SNTG2: variants seen among roughly 807,000 people sequenced by gnomAD.
SNTG2 encodes syntrophin gamma 2, also known as gamma-2-syntrophin.
In SNTG2, 74 loss-of-function variants were observed where a neutral mutation model predicts 70.9. The observed-to-expected ratio is 1.04, with a 90% CI of 0.86 to 1.27. The LOEUF is 1.27. Ranked by LOEUF, SNTG2 falls within the 50% of genes most tolerant of loss-of-function variation. SNTG2 has a pLI of 0.00. For missense variants in SNTG2, 717 were observed against 690.7 expected (o/e 1.04, Z -0.43); for synonymous variants, 278 against 273.8 (o/e 1.02, Z -0.15).
chr2:1,072,173 A>G (rs981697082), intron 1 of SNTG2, among the ~76,000 whole-genome samples: 4 of 152,140 alleles, frequency 2.6e-5, no homozygotes, highest in Non-Finnish European at 4.4e-5. Context: ...ACAGCCTTCT[A>G]TTGGAAGAAG....
chr2:1,082,009 A>T (rs1367878193), intron 1 of SNTG2, among the ~76,000 whole-genome samples: 1 of 152,138 alleles, frequency 6.6e-6, no homozygotes, highest in African/African-American at 2.4e-5. Context: ...GTGTTGAGTG[A>T]TTGAAAGCCA....
intron 6 of SNTG2, among the ~76,000 whole-genome samples, chr2:1,140,607 G>C (rs1259029145): frequency 6.6e-6 from 1 of 152,374 alleles, no homozygotes; most frequent in African/African-American, 2.4e-5. Context: ...CAGGCAGGGC[G>C]CAGAACAACA....
intron 16 of SNTG2, among the ~76,000 whole-genome samples, chr2:1,323,393 GACAT>G (rs1681614621): frequency 6.7e-6 from 1 of 149,474 alleles, no homozygotes; most frequent in Non-Finnish European, 1.5e-5. Context: ...AGTAGGCTGG[GACAT>G]GGCTAACAGT....
rs189495099 is a variant in SNTG2 at position 1,077,560 on chromosome 2, C to T, written c.73-5958C>T. ...CTCCATGAACCCCGGGTCTGCGGCA[C>T]GCATTTAGTTTCGAATATGGTATTT... On this transcript the variant is annotated intron_variant, in intron 1 of 16. Coordinates refer to ENST00000308624, the MANE Select transcript of SNTG2 (RefSeq NM_018968.4). Among the ~76,000 whole-genome samples, 39 of 152,226 alleles carry T rather than the reference C, an allele frequency of 2.6e-4. No individual in the cohort carries two copies. In the East Asian group the frequency reaches 6.4e-3, roughly 25 times the overall value.
intron 1 of SNTG2, among the ~76,000 whole-genome samples, chr2:996,179 C>T (rs1460916045): frequency 1.3e-5 from 2 of 152,134 alleles, no homozygotes; most frequent in Admixed American, 1.3e-4. Flanking sequence ...GACTGGTATG[C>T]AGTTTTCTGG....
At chr2:1,349,782 C>T (rs1660483780) in intron 16 of SNTG2, among the ~76,000 whole-genome samples, 1 of 152,188 alleles carries the variant, frequency 6.6e-6, no homozygotes, top group African/African-American at 2.4e-5. Context: ...CACCAAGCCC[C>T]AGGACACAAA....
chr2:960,424 T>C lies in SNTG2; in HGVS notation c.72+9356T>C, dbSNP rs550178164. ...TCAGGGTAGGGTCATGTGTGCCTTATTTTCTCATCGGTGAGATTGGATTCC... is the reference window on the plus strand; with the variant it reads ...TCAGGGTAGGGTCATGTGTGCCTTACTTTCTCATCGGTGAGATTGGATTCC... On this transcript the variant is annotated intron_variant, in intron 1 of 16. Transcript: ENST00000308624. Among the ~76,000 whole-genome samples the C allele has an allele frequency of 4.6e-5, 7 of 152,356 alleles. 1 individual carries two copies. The East Asian group carries it at 1.4e-3, about 29-fold the overall frequency.
chr2:1,192,280 A>G (rs1672643032), intron 8 of SNTG2, among the ~76,000 whole-genome samples: 1 of 152,170 alleles, frequency 6.6e-6, no homozygotes, highest in African/African-American at 2.4e-5. Flanking sequence ...TGAGTGCAGG[A>G]AGCAGTGTTT....
chr2:1,308,395 A>G, intron 14 of SNTG2, 99 bp from the exon 15 acceptor site: 1 of 1,116,106 alleles, frequency 9.0e-7, no homozygotes, highest in Non-Finnish European at 1.3e-6. Context: ...AGAGCATTTT[A>G]TAATTTTTGA....
At chr2:1,209,299 C>T (rs1673884458) in intron 9 of SNTG2, 69 bp downstream of exon 9, 28 of 1,589,566 alleles carry the variant, frequency 1.8e-5, no homozygotes, top group South Asian at 1.5e-4. Context: ...TCCTACAGGC[C>T]GCTGGTTACT....
chr2:1,101,515 CAG>C (rs1665779102), intron 4 of SNTG2, among the ~76,000 whole-genome samples: 1 of 152,148 alleles, frequency 6.6e-6, no homozygotes, highest in African/African-American at 2.4e-5. Context: ...ATGTAAAACA[CAG>C]AATGCATGTT....
At chr2:1,182,360 C>CAA (rs10587246) in intron 8 of SNTG2, among the ~76,000 whole-genome samples, 5,614 of 121,736 alleles carry the variant, frequency 0.046, 148 homozygotes, top group Middle Eastern at 0.1. Context: ...TTAAAAATTT[C>CAA]AAAAAAAAAA....
chr2:1,176,659 AAAC>A (rs762478068), intron 8 of SNTG2, among the ~76,000 whole-genome samples: 3 of 151,648 alleles, frequency 2.0e-5, no homozygotes, highest in Non-Finnish European at 4.4e-5. Flanking sequence ...AGAAAAAAAA[AAAC>A]ATTAAATGTG....
intron 1 of SNTG2, among the ~76,000 whole-genome samples, chr2:1,022,486 TGAGTCCCTGAGTTCCC>T (rs570084878): frequency 1.1e-4 from 17 of 151,686 alleles, no homozygotes; most frequent in African/African-American, 3.4e-4. Flanking sequence ...TGAGTTCCCG[TGAGTCCCTGAGTTCCC>T]GAGTCCCTGA....
chr2:961,250 A>C (rs1660340058), intron 1 of SNTG2, among the ~76,000 whole-genome samples: 1 of 152,154 alleles, frequency 6.6e-6, no homozygotes, highest in African/African-American at 2.4e-5. Context: ...TCTGTTACCC[A>C]GGCTGGAGTG....
At chr2:1,077,914 C>T (rs554886111) in intron 1 of SNTG2, among the ~76,000 whole-genome samples, 82 of 152,066 alleles carry the variant, frequency 5.4e-4, no homozygotes, top group Non-Finnish European at 1.0e-3. Context: ...TACAGGTACC[C>T]GAGACCTCCT....
At chr2:1,218,614 C>G (rs1474814697) in intron 9 of SNTG2, among the ~76,000 whole-genome samples, 1 of 152,228 alleles carries the variant, frequency 6.6e-6, no homozygotes, top group African/African-American at 2.4e-5. Flanking sequence ...AGAGAAATGT[C>G]TGTGCTTGAA....
intron 1 of SNTG2, among the ~76,000 whole-genome samples, chr2:1,053,652 C>T (rs891839420): frequency 6.6e-6 from 1 of 152,102 alleles, no homozygotes; most frequent in Non-Finnish European, 1.5e-5. Context: ...CCATCTCTGT[C>T]GTCCTCTCCA....
At position 1,308,523 on chromosome 2, in the gene SNTG2, A is replaced by G. The variant is rs1332332537; in HGVS notation, c.1314A>G (p.Gly438=). 3 of 1,551,688 alleles carry G rather than the reference A, an allele frequency of 1.9e-6. No individual in the cohort carries two copies. The highest frequency in any genetic ancestry group is 2.6e-6 in the Non-Finnish European group (3 of 1,146,992). ...GAACATACATGTGCAGCTGGCAAGG[A>G]GAGATGCTGTGTTTCACGGTGGATT... ...GSRTYMCSWQ[G]EMLCFTVDFA... is the part of the protein sequence containing the mutation. Residue 438 remains glycine, a synonymous_variant, in exon 15 of 17, where the codon GGA becomes GGG. Transcript: ENST00000308624.
Sources: gnomAD v4.1 joint callset for allele counts (sites outside exome capture counted in the v4.1 genomes callset) on GRCh38, gnomAD v4.1.1 for gene constraint, MANE v1.5 for transcripts, NCBI Gene and HGNC (gene_info 2026-07-23, HGNC 2026-07-21) for gene names.